SHANK1: variants seen among roughly 807,000 people sequenced by gnomAD.
SHANK1 encodes the protein SH3 and multiple ankyrin repeat domains 1.
SHANK1 carries 35 observed loss-of-function variants against 165.6 expected under a neutral mutation model. The ratio of observed to expected loss-of-function variants is 0.21; its 90% confidence interval spans 0.16 to 0.28. The LOEUF (loss-of-function observed/expected upper bound fraction) is 0.28. SHANK1 is among the 10% of genes least tolerant of loss of function. SHANK1 has a pLI of 1.00. For missense variants in SHANK1, 2,681 were observed against 3,036.4 expected (o/e 0.88, Z 2.75); for synonymous variants, 1,428 against 1,384.8 (o/e 1.03, Z -0.69).
intron 21 of SHANK1, among the ~76,000 whole-genome samples, chr19:50,675,753 A>G (rs914149080): frequency 6.6e-6 from 1 of 152,098 alleles, no homozygotes; most frequent in Non-Finnish European, 1.5e-5. Context: ...TTTAATCCCA[A>G]CATTTTGGGA....
At chr19:50,692,180 G>A (rs144732886) in intron 15 of SHANK1, among the ~76,000 whole-genome samples, 12 of 152,082 alleles carry the variant, frequency 7.9e-5, no homozygotes, top group Non-Finnish European at 1.2e-4. Flanking sequence ...CCCTGAGCTC[G>A]GCCCTGCAGC....
Position 50,688,189 on chromosome 19 carries a change from C to T in SHANK1, c.2173-131G>A, listed in dbSNP as rs568320889. On this transcript the variant is annotated intron_variant, in intron 17 of 23. Coordinates refer to ENST00000293441, the MANE Select transcript of SHANK1 (RefSeq NM_016148.5). The surrounding 1 kb of genome is among the most constrained non-coding windows in gnomAD (Gnocchi z 6.7). ...CCTCTGGGCTATGTTCCTCTCCCTC[C>T]GACCCTTCATACCACCGCCTCCCTG... 259 of 1,153,336 alleles carry T rather than the reference C, an allele frequency of 2.2e-4. 2 individuals are homozygous for T. The highest frequency in any genetic ancestry group is 1.0e-3 in the South Asian group (69 of 68,702). 71.4% of individuals were successfully genotyped at this position (1,153,336 alleles called of 1,614,324 possible).
chr19:50,678,180 C>G (rs942810410), intron 21 of SHANK1, among the ~76,000 whole-genome samples: 1 of 151,994 alleles, frequency 6.6e-6, no homozygotes, highest in Non-Finnish European at 1.5e-5. Flanking sequence ...GACCAGCCAG[C>G]GAGTAAGGAG....
chr19:50,697,485 A>C lies in SHANK1; in HGVS notation c.1937+104T>G. 1.0e-6 allele frequency: 1 copy of C among 971,070 alleles called. No individual in the cohort carries two copies. Among genetic ancestry groups the C allele is most frequent in the Non-Finnish European group, 1.7e-6 (1 of 599,474 alleles). The allele number at this position is 971,070 out of a possible 1,614,324, so 60.2% of individuals were successfully genotyped here. ...ACCCCTGGATCAAACTTGAGAAGGA[A>C]CAGATTAGAAAGGGGGCTTAGAGGT... On this transcript the variant is annotated intron_variant, in intron 14 of 23. Coordinates refer to ENST00000293441, the MANE Select transcript of SHANK1 (RefSeq NM_016148.5). This position sits in a 1 kb window ranked among gnomAD's most constrained non-coding sequence, Gnocchi z 4.7.
chr19:50,690,186 T>C lies in SHANK1; in HGVS notation c.1965-907A>G, dbSNP rs8103945. 0.21 allele frequency among the ~76,000 whole-genome samples: 31,868 copies of C among 152,022 alleles called. 3,439 individuals are homozygous for C. The highest frequency in any genetic ancestry group is 0.26 in the Middle Eastern group (75 of 294). On this transcript the variant is annotated intron_variant, in intron 15 of 23. Transcript: ENST00000293441. The surrounding 1 kb of genome is among the most constrained non-coding windows in gnomAD (Gnocchi z 4.9). ...TGCATGCAGTCAGCATATTCTATTATAGTAAAATGCAAAGCACCCATGAAT... is the reference window on the plus strand; with the variant it reads ...TGCATGCAGTCAGCATATTCTATTACAGTAAAATGCAAAGCACCCATGAAT...
At position 50,672,121 on chromosome 19, in the gene SHANK1, A is replaced by C; in HGVS notation, c.2578-7T>G. 6.2e-7 allele frequency: 1 copy of C among 1,609,986 alleles called. No homozygotes were observed. The highest frequency in any genetic ancestry group is 8.5e-7 in the Non-Finnish European group (1 of 1,177,184). On this transcript the variant is annotated splice_polypyrimidine_tract_variant and splice_region_variant and intron_variant, in intron 21 of 23. Coordinates refer to ENST00000293441, the MANE Select transcript of SHANK1 (RefSeq NM_016148.5). Reference sequence around the variant, plus strand: ...GGTGGGGATCGAAGCTCGACTTTGGAGCGGCAGTCAGAGGGGGAGAGAGAG... The same window carrying C: ...GGTGGGGATCGAAGCTCGACTTTGGCGCGGCAGTCAGAGGGGGAGAGAGAG...
At position 50,662,983 on chromosome 19, in the gene SHANK1, C is replaced by T. The variant is rs1324267730; in HGVS notation, c.5769-301G>A. ...AATCGTCACCGCTTACTGATGCTCA[C>T]GTGTGCCAGGCATTGTTCTAAGTGC... On this transcript the variant is annotated intron_variant, in intron 23 of 23. Coordinates refer to ENST00000293441, the MANE Select transcript of SHANK1 (RefSeq NM_016148.5). The surrounding 1 kb of genome is among the most constrained non-coding windows in gnomAD (Gnocchi z 7.7). The T allele has an allele frequency of 6.9e-6, 3 of 432,434 alleles. No homozygotes were observed. Among genetic ancestry groups the T allele is most frequent in the South Asian group, 5.1e-5 (2 of 39,208 alleles). The allele number at this position is 432,434 out of a possible 1,614,324, so 26.8% of individuals were successfully genotyped here.
intron 21 of SHANK1, among the ~76,000 whole-genome samples, chr19:50,682,904 C>T (rs1383054213): frequency 6.6e-6 from 1 of 152,184 alleles, no homozygotes; most frequent in East Asian, 1.9e-4. Flanking sequence ...TGGCTTACTG[C>T]AGCCTCAACC....
Position 50,718,670 on chromosome 19 carries a change from TG to T in SHANK1, c.-44+735del, listed in dbSNP as rs2089096521. 1.3e-5 allele frequency among the ~76,000 whole-genome samples: 1 copy of T among 77,490 alleles called. No homozygotes were observed. Among genetic ancestry groups the T allele is most frequent in the Non-Finnish European group, 2.9e-5 (1 of 34,962 alleles). The allele number at this position is 77,490 out of a possible 152,430, so 50.8% of individuals were successfully genotyped here. ...AGAGAGGGGGTGCCCTGGGAGGCTG[TG>T]GGGGGACAGGGGGCGGCTGGCGTGG... On this transcript the variant is annotated intron_variant, in intron 1 of 23. Transcript: ENST00000293441. This position sits in a 1 kb window ranked among gnomAD's most constrained non-coding sequence, Gnocchi z 5.1.
rs1239191363 is a variant in SHANK1, at chr19:50,660,034, C to A, written c.*1931G>T. On this transcript the variant is annotated 3_prime_UTR_variant, in exon 24 of 24. Transcript: ENST00000293441. ...GCCCCCTCCCCTCATGGACGGAGCG[C>A]CCCCCCCTCTCGGGGGTAGGGGGCA... Among the ~76,000 whole-genome samples the A allele has an allele frequency of 6.7e-6, 1 of 149,874 alleles. No homozygotes were observed. The highest frequency in any genetic ancestry group is 1.5e-5 in the Non-Finnish European group (1 of 67,206).
At position 50,662,076 on chromosome 19, in the gene SHANK1, A is replaced by T; in HGVS notation, c.6375T>A (p.Asp2125Glu). Reference protein sequence around the residue: ...HRAQFLDHEIDGSHLPALTKE... With the variant: ...HRAQFLDHEIEGSHLPALTKE... The stretch of plus-strand genomic sequence containing the variant: ...TGGTCAAGGCGGGCAGGTGGGAGCC[A>T]TCGATCTCGTGGTCCAGGAACTGGG... The change falls in exon 24 of 24, where the codon GAT becomes GAA. Residue 2125 changes from aspartate to glutamate, a missense_variant. Coordinates refer to ENST00000293441, the MANE Select transcript of SHANK1 (RefSeq NM_016148.5). The surrounding 1 kb of genome is among the most constrained non-coding windows in gnomAD (Gnocchi z 7.7). 1 of 1,614,148 alleles carries T rather than the reference A, an allele frequency of 6.2e-7. No individual in the cohort carries two copies. The highest frequency in any genetic ancestry group is 1.3e-5 in the African/African-American group (1 of 75,036).
chr19:50,673,453 C>G (rs1453891982), intron 21 of SHANK1, among the ~76,000 whole-genome samples: 2 of 152,150 alleles, frequency 1.3e-5, no homozygotes, highest in Non-Finnish European at 2.9e-5. Flanking sequence ...CTGGTTCTCT[C>G]GGCAACAGCT....
At position 50,666,827 on chromosome 19, in the gene SHANK1, C is replaced by G. The variant is rs186659978; in HGVS notation, c.5133G>C (p.Gly1711=). The G allele has an allele frequency of 6.4e-7, 1 of 1,550,738 alleles. No homozygotes were observed. The highest frequency in any genetic ancestry group is 1.4e-5 in the African/African-American group (1 of 73,286). Residue 1711 remains glycine, a synonymous_variant, in exon 23 of 24, where the codon GGG becomes GGC. Transcript: ENST00000293441. ...SAEGGGSAGG[G]GGAGAGVASG... ...TGGCCACACCGGCCCCAGCCCCGCC[C>G]CCACCCCCTGCGCTGCCACCACCTT...
rs371357548 is a variant in SHANK1, at chr19:50,673,328, G to C, written c.2578-1214C>G. 1.3e-3 allele frequency among the ~76,000 whole-genome samples: 199 copies of C among 152,084 alleles called. 2 individuals are homozygous for C. In the East Asian group the frequency reaches 0.026, roughly 20 times the overall value. On this transcript the variant is annotated intron_variant, in intron 21 of 23. Coordinates refer to ENST00000293441, the MANE Select transcript of SHANK1 (RefSeq NM_016148.5). ...CCACACGAAGACAGGTCCTGCAGGCGGGACCCAGCCCTGCCCCCATTTCCC... is the reference window on the plus strand; with the variant it reads ...CCACACGAAGACAGGTCCTGCAGGCCGGACCCAGCCCTGCCCCCATTTCCC...
In SHANK1 at chr19:50,688,261, G is replaced by T. The variant is rs1358049152; in HGVS notation, c.2173-203C>A. Among the ~76,000 whole-genome samples, 1 of 152,092 alleles carries T rather than the reference G, an allele frequency of 6.6e-6. No homozygotes were observed. Among genetic ancestry groups the T allele is most frequent in the Non-Finnish European group, 1.5e-5 (1 of 67,990 alleles). On this transcript the variant is annotated intron_variant, in intron 17 of 23. Coordinates refer to ENST00000293441, the MANE Select transcript of SHANK1 (RefSeq NM_016148.5). The surrounding 1 kb of genome is among the most constrained non-coding windows in gnomAD (Gnocchi z 6.7). ...TCCCTGGCCCCAGGGTTGGGGGAGAGGCTCAGCCTACCCTATTCACTTCCC... is the reference window on the plus strand; with the variant it reads ...TCCCTGGCCCCAGGGTTGGGGGAGATGCTCAGCCTACCCTATTCACTTCCC...
At chr19:50,671,960 G>C in intron 22 of SHANK1, 58 bp downstream of exon 22, 1 of 1,280,272 alleles carries the variant, frequency 7.8e-7, no homozygotes, top group Non-Finnish European at 1.1e-6. Flanking sequence ...TGCTTTTCCT[G>C]AACTGTCACG....
chr19:50,686,911 C>T lies in SHANK1; in HGVS notation c.2390-99G>A. The stretch of plus-strand genomic sequence containing the variant: ...TGGCCAGCAGGTGCGGGCCAGTGGG[C>T]GTGGCGGGCGCGAGAGGGGCAGTGA... On this transcript the variant is annotated intron_variant, in intron 19 of 23. Transcript: ENST00000293441. The surrounding 1 kb of genome is among the most constrained non-coding windows in gnomAD (Gnocchi z 5.7). The T allele has an allele frequency of 7.2e-7, 1 of 1,395,558 alleles. No homozygotes were observed. Among genetic ancestry groups the T allele is most frequent in the Non-Finnish European group, 9.6e-7 (1 of 1,042,670 alleles). The allele number at this position is 1,395,558 out of a possible 1,614,324, so 86.4% of individuals were successfully genotyped here.
chr19:50,687,636 G>A lies in SHANK1; in HGVS notation c.2335C>T (p.Pro779Ser). 6.6e-7 allele frequency: 1 copy of A among 1,520,774 alleles called. No homozygotes were observed. The highest frequency in any genetic ancestry group is 8.8e-7 in the Non-Finnish European group (1 of 1,134,514). 94.2% of individuals were successfully genotyped at this position (1,520,774 alleles called of 1,614,324 possible). A position where few individuals can be genotyped will look rare whatever the true frequency, so the allele number is the denominator to read the frequency against. Residue 779 changes from proline (P) to serine (S), a missense_variant, in exon 19 of 24, where the codon CCC becomes TCC. This residue lies in a region of SHANK1 where 206 missense variants were observed against 216.0 expected (regional missense o/e 0.95). Transcript: ENST00000293441. ...TTGGAACGCAGGGAGATGGTTGGGGGCGGCAGCCGCTTGGCCTGCTGGGGT... is the reference window on the plus strand; with the variant it reads ...TTGGAACGCAGGGAGATGGTTGGGGACGGCAGCCGCTTGGCCTGCTGGGGT... ...KAPQQAKRLP[P>S]PTISLRSKSM...
rs1433580091 is a variant in SHANK1, at chr19:50,666,612, G to A, written c.5348C>T (p.Thr1783Ile). Residue 1783 changes from threonine to isoleucine, a missense_variant, in exon 23 of 24, where the codon ACC becomes ATC. Around this residue, in one of 10 missense-constraint regions of SHANK1, gnomAD observed 1,713 missense variants for 1,630.2 expected, o/e 1.05. Transcript: ENST00000293441. The part of the protein sequence containing the change: ...SGGLRDPVTP[T>I]SPTVSVTGAG... Reference sequence around the variant, plus strand: ...CCCTGTCACCGAGACGGTGGGGCTGGTGGGGGTAACAGGGTCTCGGAGTCC... The same window carrying A: ...CCCTGTCACCGAGACGGTGGGGCTGATGGGGGTAACAGGGTCTCGGAGTCC... 6.2e-7 allele frequency: 1 copy of A among 1,601,166 alleles called. No homozygotes were observed. The highest frequency in any genetic ancestry group is 8.5e-7 in the Non-Finnish European group (1 of 1,176,170).
Sources: allele counts gnomAD v4.1 joint callset (sites outside exome capture counted in the v4.1 genomes callset), GRCh38; gene constraint gnomAD v4.1.1; regional missense constraint gnomAD v4.1.1; non-coding constraint Gnocchi (gnomAD v3.1); transcripts MANE v1.5; gene names NCBI Gene and HGNC (gene_info 2026-07-23, HGNC 2026-07-21).